Variants in SERPINB5 observed in about 807,000 individuals in gnomAD.
SERPINB5 encodes the protein serpin family B member 5.
In SERPINB5, 27 loss-of-function variants were observed where a neutral mutation model predicts 32.2. That is an observed-to-expected ratio of 0.84 (90% CI 0.62 to 1.16). The LOEUF is 1.16. SERPINB5 is among the 50% of genes most tolerant of loss of function. The probability of loss-of-function intolerance (pLI) is 0.00; values close to 1 mark genes in which losing one functional copy is unlikely to be tolerated. For missense variants in SERPINB5, 388 were observed against 436.3 expected, an observed-to-expected ratio of 0.89 and a Z score of 0.99; for synonymous variants, 154 against 157.4, an observed-to-expected ratio of 0.98 and a Z score of 0.16.
chr18:63,493,228 G>A (rs771602030), intron 5 of SERPINB5, 133 bp downstream of exon 5: 3 of 1,117,406 alleles, frequency 2.7e-6, no homozygotes, highest in Non-Finnish European at 4.0e-6. Flanking sequence ...TTCCTGAGAT[G>A]AACAGCTGGA....
intron 6 of SERPINB5, among the ~76,000 whole-genome samples, chr18:63,499,856 C>A (rs1450912799): frequency 6.6e-6 from 1 of 151,830 alleles, no homozygotes; most frequent in Non-Finnish European, 1.5e-5. Flanking sequence ...TAGATCTATG[C>A]CTACAGAAAA....
chr18:63,483,620 T>C (rs1917158149), intron 1 of SERPINB5, among the ~76,000 whole-genome samples: 5 of 152,236 alleles, frequency 3.3e-5, no homozygotes, highest in Admixed American at 3.3e-4. Flanking sequence ...GACTTTCTCT[T>C]GGTTTCTGGT....
chr18:63,479,588 G>A (rs868103757), intron 1 of SERPINB5, among the ~76,000 whole-genome samples: 7 of 152,112 alleles, frequency 4.6e-5, no homozygotes, highest in African/African-American at 1.7e-4. Context: ...TGTCACTGAG[G>A]TTTCTAGTAT....
intron 6 of SERPINB5, among the ~76,000 whole-genome samples, chr18:63,500,063 G>A (rs1909540316): frequency 6.6e-6 from 1 of 151,774 alleles, no homozygotes; most frequent in Non-Finnish European, 1.5e-5. Flanking sequence ...GCCCAGGCTG[G>A]AGTGCAGTGG....
In SERPINB5 at chr18:63,496,520, C is replaced by T. The variant is rs76352766; in HGVS notation, c.568-2600C>T. Among the ~76,000 whole-genome samples, 1,427 of 152,186 alleles carry T rather than the reference C, an allele frequency of 9.4e-3. 25 individuals are homozygous for T. Among genetic ancestry groups the T allele is most frequent in the African/African-American group, 0.032 (1,335 of 41,538 alleles). On this transcript the variant is annotated intron_variant, in intron 5 of 6. Transcript: ENST00000382771. ...GGGGTGGGAAGTGGAAAGACAATCA[C>T]TAGATAATATTTCTAACACTGTGGC...
At chr18:63,503,246 A>T in intron 6 of SERPINB5, 84 bp from the exon 7 acceptor site, 1 of 1,445,650 alleles carries the variant, frequency 6.9e-7, no homozygotes, top group East Asian at 2.5e-5. Flanking sequence ...TGGGCTTATC[A>T]TAACACCTTA....
intron 5 of SERPINB5, among the ~76,000 whole-genome samples, chr18:63,497,667 C>T (rs929131304): frequency 1.3e-5 from 2 of 152,060 alleles, no homozygotes; most frequent in East Asian, 1.9e-4. Context: ...ACCCATATAC[C>T]GATCAATCAT....
chr18:63,495,446 A>G (rs1182914735), intron 5 of SERPINB5, among the ~76,000 whole-genome samples: 2 of 152,182 alleles, frequency 1.3e-5, no homozygotes, highest in Non-Finnish European at 2.9e-5. Context: ...TTGATTAGTG[A>G]TTGGCTCTCC....
At chr18:63,488,375 T>A (rs1219692271) in intron 3 of SERPINB5, among the ~76,000 whole-genome samples, 1 of 152,242 alleles carries the variant, frequency 6.6e-6, no homozygotes, top group Non-Finnish European at 1.5e-5. Context: ...TGGAATGATC[T>A]TAACCAGACT....
Position 63,489,373 on chromosome 18 carries a change from G to C in SERPINB5, c.333G>C (p.Pro111=), listed in dbSNP as rs12454742. 1,101,895 of 1,607,266 alleles carry C rather than the reference G, an allele frequency of 0.69. 380,314 individuals are homozygous for C. The highest frequency in any genetic ancestry group is 0.85 in the African/African-American group (63,700 of 74,866). The change falls in exon 4 of 7, where the codon CCG becomes CCC. Residue 111 remains proline (P), a synonymous_variant. Transcript: ENST00000382771. ...AGTTCATCAGCTCTACGAAGAGACC[G>C]TATGCAAAGGAATTGGAAACTGTTG... is the stretch of plus-strand genomic sequence containing the variant. ...STEFISSTKR[P]YAKELETVDF...
At chr18:63,489,155 T>C (rs1468041192) in intron 3 of SERPINB5, among the ~76,000 whole-genome samples, 192 bp from the exon 4 acceptor site, 1 of 152,228 alleles carries the variant, frequency 6.6e-6, no homozygotes, top group Non-Finnish European at 1.5e-5. Context: ...AATTGTCTTA[T>C]AATTGAAAAA....
chr18:63,478,480 G>A (rs1216693900), intron 1 of SERPINB5, among the ~76,000 whole-genome samples: 1 of 152,194 alleles, frequency 6.6e-6, no homozygotes, highest in Admixed American at 6.5e-5. Context: ...ACTTCGTTTA[G>A]TCCTCATAGT....
intron 2 of SERPINB5, 143 bp downstream of exon 2, chr18:63,484,739 A>ATATTT (rs1474564506): frequency 9.0e-5 from 13 of 144,802 alleles, no homozygotes; most frequent in African/African-American, 3.7e-4. Context: ...GACTCTCTTA[A>ATATTT]TCTTTTTTTT....
Position 63,492,385 on chromosome 18 carries a change from C to T in SERPINB5, c.425-568C>T, listed in dbSNP as rs1166011741. Among the ~76,000 whole-genome samples the T allele has an allele frequency of 2.6e-5, 4 of 152,284 alleles. No individual in the cohort carries two copies. In the East Asian group the frequency reaches 7.7e-4, roughly 29 times the overall value. Reference sequence around the variant, plus strand: ...GAACAGCTCCTTGGCCTCTCTGAGCCTCAGTTTACTGCACTGTAAAATGGA... The same window carrying T: ...GAACAGCTCCTTGGCCTCTCTGAGCTTCAGTTTACTGCACTGTAAAATGGA... On this transcript the variant is annotated intron_variant, in intron 4 of 6. Coordinates refer to ENST00000382771, the MANE Select transcript of SERPINB5 (RefSeq NM_002639.5).
chr18:63,492,525 CAGAA>C (rs1457411098), intron 4 of SERPINB5, among the ~76,000 whole-genome samples: 1 of 152,206 alleles, frequency 6.6e-6, no homozygotes, highest in African/African-American at 2.4e-5. Flanking sequence ...GCTTTGGAGT[CAGAA>C]AGAGCTGGCT....
chr18:63,500,168 A>G (rs1047926303), intron 6 of SERPINB5, among the ~76,000 whole-genome samples: 5 of 151,480 alleles, frequency 3.3e-5, no homozygotes, highest in African/African-American at 1.2e-4. Context: ...CCTGGGCTCA[A>G]GTGATCCTCC....
rs1268868451 is a variant in SERPINB5, at chr18:63,498,117, G to A, written c.568-1003G>A. Among the ~76,000 whole-genome samples, 3 of 152,130 alleles carry A rather than the reference G, an allele frequency of 2.0e-5. No individual in the cohort carries two copies. Among genetic ancestry groups the A allele is most frequent in the Non-Finnish European group, 4.4e-5 (3 of 68,008 alleles). ...CTGTTTTGTTTTGAGATGGAGTCTC[G>A]CTCTGTTGCCCAGGCTGGAGTGAGT... On this transcript the variant is annotated intron_variant, in intron 5 of 6. Coordinates refer to ENST00000382771, the MANE Select transcript of SERPINB5 (RefSeq NM_002639.5). The surrounding 1 kb of genome is among the most constrained non-coding windows in gnomAD (Gnocchi z 4.2).
intron 5 of SERPINB5, chr18:63,493,657 G>T (rs1462603849): frequency 1.3e-5 from 2 of 156,654 alleles, no homozygotes; most frequent in East Asian, 3.7e-4. Context: ...TCAGGAGTTG[G>T]AGACCAGCCT....
At chr18:63,480,984 C>A (rs1401167454) in intron 1 of SERPINB5, among the ~76,000 whole-genome samples, 2 of 152,250 alleles carry the variant, frequency 1.3e-5, no homozygotes, top group African/African-American at 4.8e-5. Context: ...GATCTCTTTG[C>A]GTTCATGCAC....
Sources: allele counts gnomAD v4.1 joint callset (sites outside exome capture counted in the v4.1 genomes callset), GRCh38; gene constraint gnomAD v4.1.1; non-coding constraint Gnocchi (gnomAD v3.1); transcripts MANE v1.5; gene names NCBI Gene and HGNC (gene_info 2026-07-23, HGNC 2026-07-21).